PCDH15: variants seen among roughly 807,000 people sequenced by gnomAD.
The protein encoded by PCDH15 is protocadherin related 15.
PCDH15 carries 129 observed loss-of-function variants against 178.5 expected under a neutral mutation model. That is an observed-to-expected ratio of 0.72 (90% CI 0.63 to 0.84). The LOEUF (loss-of-function observed/expected upper bound fraction) is 0.84. Ranked by LOEUF, PCDH15 falls within the 40% of genes least tolerant of loss-of-function variation. The pLI is 0.00. For missense variants in PCDH15, 2,230 were observed against 2,099.9 expected (o/e 1.06, Z -1.21); for synonymous variants, 800 against 732.0 (o/e 1.09, Z -1.50).
At chr10:54,024,438 T>C (rs1412211133) in intron 18 of PCDH15, among the ~76,000 whole-genome samples, 1 of 152,164 alleles carries the variant, frequency 6.6e-6, no homozygotes, top group Admixed American at 6.6e-5. Flanking sequence ...TAACAGCACA[T>C]ATGCAGTGGT....
chr10:55,465,426 G>A (rs950014806), intron 2 of PCDH15, among the ~76,000 whole-genome samples: 17 of 152,250 alleles, frequency 1.1e-4, no homozygotes, highest in African/African-American at 3.9e-4. Flanking sequence ...GTACTGGTGT[G>A]TACTGCAGTG....
chr10:54,695,073 G>A (rs117193481), intron 1 of PCDH15, among the ~76,000 whole-genome samples: 1 of 151,746 alleles, frequency 6.6e-6, no homozygotes, highest in African/African-American at 2.4e-5. Context: ...GTAGGGGGAG[G>A]GGGAGGGGGA....
chr10:54,997,562 A>G (rs901691148), intron 2 of PCDH15, among the ~76,000 whole-genome samples: 7 of 152,198 alleles, frequency 4.6e-5, no homozygotes, highest in African/African-American at 1.7e-4. Flanking sequence ...ATAAAACTAT[A>G]AAAGCAACCA....
intron 25 of PCDH15, among the ~76,000 whole-genome samples, chr10:53,923,964 A>AT (rs1017652973): frequency 7.3e-5 from 11 of 151,564 alleles, no homozygotes; most frequent in South Asian, 4.2e-4. Flanking sequence ...AGGGACAATA[A>AT]TTTTTTTTTC....
chr10:54,376,927 A>G (rs922172008), intron 4 of PCDH15, among the ~76,000 whole-genome samples: 1 of 152,040 alleles, frequency 6.6e-6, no homozygotes, highest in Non-Finnish European at 1.5e-5. Flanking sequence ...AATTCTTAAA[A>G]ACTGCAAACA....
At position 53,803,305 on chromosome 10, in the gene PCDH15, A is replaced by C. The variant is rs1159660542; in HGVS notation, c.*3274T>G. On this transcript the variant is annotated 3_prime_UTR_variant, in exon 38 of 38. Coordinates refer to ENST00000644397, the MANE Select transcript of PCDH15 (RefSeq NM_001384140.1). ...TCCCACTTAAGGTATAAAGTGCAGAAGGTGAAGCAGAGAAAGAGAAAAATC... is the reference window on the plus strand; with the variant it reads ...TCCCACTTAAGGTATAAAGTGCAGACGGTGAAGCAGAGAAAGAGAAAAATC... 1 of 151,954 alleles carries C rather than the reference A, an allele frequency of 6.6e-6. No homozygotes were observed. The highest frequency in any genetic ancestry group is 2.4e-5 in the African/African-American group (1 of 41,432). The allele number at this position is 151,954 out of a possible 1,614,324, so 9.4% of individuals were successfully genotyped here.
chr10:54,150,538 C>CT (rs949482611), intron 14 of PCDH15, among the ~76,000 whole-genome samples: 1 of 151,956 alleles, frequency 6.6e-6, no homozygotes. Context: ...CTGAATCCTA[C>CT]TTTTTTTCTA....
chr10:55,075,261 G>T (rs1477170722), intron 2 of PCDH15, among the ~76,000 whole-genome samples: 1 of 151,710 alleles, frequency 6.6e-6, no homozygotes, highest in East Asian at 1.9e-4. Flanking sequence ...ATGATTCCTT[G>T]TATTTGTGTG....
rs142954438 is a variant in PCDH15, at chr10:55,392,463, G to A, written c.-155-225812C>T. 6.6e-3 allele frequency among the ~76,000 whole-genome samples: 1,003 copies of A among 152,154 alleles called. 9 individuals carry two copies. Among genetic ancestry groups the A allele is most frequent in the African/African-American group, 0.023 (965 of 41,526 alleles). On this transcript the variant is annotated intron_variant, in intron 2 of 5. Coordinates refer to the PCDH15 transcript ENST00000613346. Reference sequence around the variant, plus strand: ...TTAGTTTATACCTAAGGAAAACTAAGGTATAGTTTTTTGTTCCAGCATCCA... The same window carrying A: ...TTAGTTTATACCTAAGGAAAACTAAAGTATAGTTTTTTGTTCCAGCATCCA...
intron 2 of PCDH15, among the ~76,000 whole-genome samples, chr10:55,332,507 G>T (rs1190715328): frequency 6.6e-6 from 1 of 152,086 alleles, no homozygotes; most frequent in South Asian, 2.1e-4. Context: ...GATGACATTT[G>T]GAGGATACTA....
In PCDH15 at chr10:55,222,164, C is replaced by T. The variant is rs1193579374; in HGVS notation, c.-155-55513G>A. On this transcript the variant is annotated intron_variant, in intron 1 of 5. Transcript: ENST00000458638. ...TGCTGGGATTACAGGTGTGAGCCAC[C>T]GCGCCCAGCCTATATAATTTAATTT... is the stretch of plus-strand genomic sequence containing the variant. Among the ~76,000 whole-genome samples the T allele has an allele frequency of 7.2e-5, 11 of 151,734 alleles. 1 individual carries two copies. The highest frequency in any genetic ancestry group is 1.5e-4 in the African/African-American group (6 of 41,202).
chr10:53,827,000 CTTTA>C (rs907241102), intron 32 of PCDH15, among the ~76,000 whole-genome samples: 1 of 151,738 alleles, frequency 6.6e-6, no homozygotes, highest in African/African-American at 2.4e-5. Flanking sequence ...TATGATTGTG[CTTTA>C]TTTCTCTCGT....
chr10:55,308,654 T>C (rs1843494164), intron 1 of PCDH15, among the ~76,000 whole-genome samples: 2 of 152,164 alleles, frequency 1.3e-5, no homozygotes, highest in South Asian at 4.1e-4. Flanking sequence ...TGCCTCATTG[T>C]CCCTGTCCTC....
At chr10:55,354,115 A>G (rs553130823) in intron 2 of PCDH15, among the ~76,000 whole-genome samples, 1 of 152,176 alleles carries the variant, frequency 6.6e-6, no homozygotes, top group African/African-American at 2.4e-5. Context: ...GTGATAGTTT[A>G]TTCCAAAATA....
chr10:53,906,048 A>G (rs2082659415), intron 25 of PCDH15, among the ~76,000 whole-genome samples: 1 of 152,114 alleles, frequency 6.6e-6, no homozygotes, highest in African/African-American at 2.4e-5. Context: ...AGAAACAGTT[A>G]TAATGCGATT....
chr10:55,024,007 A>C (rs1375034551), intron 2 of PCDH15, among the ~76,000 whole-genome samples: 1 of 148,402 alleles, frequency 6.7e-6, no homozygotes, highest in Non-Finnish European at 1.5e-5. Context: ...CATATATATA[A>C]TCTTTTTATA....
intron 1 of PCDH15, among the ~76,000 whole-genome samples, chr10:55,196,882 T>C (rs1371404651): frequency 6.6e-6 from 1 of 152,034 alleles, no homozygotes; most frequent in East Asian, 1.9e-4. Flanking sequence ...ACTCTAACTT[T>C]TTAAACATTT....
chr10:53,953,146 C>T (rs987455980), intron 23 of PCDH15, among the ~76,000 whole-genome samples: 19 of 152,238 alleles, frequency 1.2e-4, no homozygotes, highest in African/African-American at 4.1e-4. Flanking sequence ...TTGCAGCCAG[C>T]GTCTTTGCAG....
At chr10:55,555,270 A>G (rs1842068816) in intron 2 of PCDH15, among the ~76,000 whole-genome samples, 1 of 152,118 alleles carries the variant, frequency 6.6e-6, no homozygotes, top group Non-Finnish European at 1.5e-5. Flanking sequence ...AAAGCAGATG[A>G]AAAAATGGGC....
Sources: allele counts gnomAD v4.1 joint callset (sites outside exome capture counted in the v4.1 genomes callset), GRCh38; gene constraint gnomAD v4.1.1; transcripts MANE v1.5; gene names NCBI Gene and HGNC (gene_info 2026-07-23, HGNC 2026-07-21).